Variants in BTG3 observed in about 807,000 individuals in gnomAD.
BTG3 encodes the protein BTG anti-proliferation factor 3.
Under a neutral mutation model 25.8 loss-of-function variants are expected in BTG3, and 4 were observed. That is an observed-to-expected ratio of 0.16 (90% CI 0.08 to 0.36). The LOEUF (loss-of-function observed/expected upper bound fraction) is 0.36. BTG3 is among the 10% of genes least tolerant of loss of function. BTG3 has a pLI of 1.00. For missense variants in BTG3, 201 were observed against 304.9 expected, an observed-to-expected ratio of 0.66 and a Z score of 2.54; for synonymous variants, 107 against 99.9, an observed-to-expected ratio of 1.07 and a Z score of -0.42.
chr21:17,594,366 AG>A, intron 4 of BTG3, 34 bp from the exon 5 acceptor site: 1 of 1,585,870 alleles, frequency 6.3e-7, no homozygotes, highest in Non-Finnish European at 8.6e-7. Flanking sequence ...GTTAATTCAA[AG>A]GAAAAAATCA....
chr21:17,606,242 AGTTTGAGT>A (rs1429273469), intron 2 of BTG3, among the ~76,000 whole-genome samples: 1 of 152,108 alleles, frequency 6.6e-6, no homozygotes, highest in Non-Finnish European at 1.5e-5. Flanking sequence ...AGGCAGAGAG[AGTTTGAGT>A]AACTTCCCAA....
At chr21:17,594,605 G>C (rs2061480224) in intron 4 of BTG3, among the ~76,000 whole-genome samples, 1 of 152,010 alleles carries the variant, frequency 6.6e-6, no homozygotes, top group African/African-American at 2.4e-5. Context: ...CCAAAACATG[G>C]AACGAATGGA....
Position 17,598,338 on chromosome 21 carries a change from A to G in BTG3, c.519+279T>C, listed in dbSNP as rs559652740. 3.8e-3 allele frequency among the ~76,000 whole-genome samples: 579 copies of G among 152,356 alleles called. 5 individuals carry two copies. Among genetic ancestry groups the G allele is most frequent in the Non-Finnish European group, 6.7e-3 (455 of 68,036 alleles). ...GGTAACTTTTGAATGAGATTTTAAA[A>G]TATCAGGAATGTTTTACCATCATGA... On this transcript the variant is annotated intron_variant, in intron 4 of 4. Transcript: ENST00000348354.
intron 2 of BTG3, among the ~76,000 whole-genome samples, chr21:17,608,329 T>C (rs143958453): frequency 2.0e-5 from 3 of 151,302 alleles, no homozygotes; most frequent in Non-Finnish European, 2.9e-5. Context: ...GCTATGGTTA[T>C]ACCACTGCAC....
Position 17,594,191 on chromosome 21 carries a change from T to C in BTG3, c.661A>G (p.Lys221Glu). The C allele has an allele frequency of 6.2e-7, 1 of 1,613,344 alleles. No homozygotes were observed. The highest frequency in any genetic ancestry group is 8.5e-7 in the Non-Finnish European group (1 of 1,179,452). The change falls in exon 5 of 5, where the codon AAA becomes GAA. Residue 221 changes from lysine (K) to glutamate (E), a missense_variant. Physicochemically the swap from Lys to Glu is moderately conservative, Grantham distance 56. Around this residue, in one of 2 missense-constraint regions of BTG3, gnomAD observed 131 missense variants for 129.3 expected, o/e 1.01. Transcript: ENST00000348354. Reference sequence around the variant, plus strand: ...GTCACTGGAATTGGGCGATATGGTTTATTTTTTCTTCCCTGATTTGGATAA... The same window carrying C: ...GTCACTGGAATTGGGCGATATGGTTCATTTTTTCTTCCCTGATTTGGATAA... The part of the protein sequence containing the change: ...FGYPNQGRKN[K>E]PYRPIPVTWV...
At chr21:17,600,911 C>T (rs1308649130) in intron 3 of BTG3, among the ~76,000 whole-genome samples, 2 of 152,124 alleles carry the variant, frequency 1.3e-5, no homozygotes, top group African/African-American at 2.4e-5. Context: ...TGCCTGTAAT[C>T]CCAGCACTTT....
intron 3 of BTG3, among the ~76,000 whole-genome samples, chr21:17,600,047 A>C (rs1161465843): frequency 6.6e-6 from 1 of 152,166 alleles, no homozygotes; most frequent in Non-Finnish European, 1.5e-5. Context: ...TTTTAAGGTA[A>C]GATGAAAAAA....
intron 1 of BTG3, among the ~76,000 whole-genome samples, chr21:17,610,020 C>G (rs2123482576): frequency 6.6e-6 from 1 of 152,290 alleles, no homozygotes; most frequent in South Asian, 2.1e-4. Flanking sequence ...CTAATATAAG[C>G]TACAACATGG....
chr21:17,597,938 C>A (rs2061524833), intron 4 of BTG3, among the ~76,000 whole-genome samples: 1 of 152,030 alleles, frequency 6.6e-6, no homozygotes, highest in Admixed American at 6.5e-5. Context: ...AAATAGATAA[C>A]CTTTAAAAAT....
chr21:17,609,045 A>G lies in BTG3; in HGVS notation c.100T>C (p.Leu34=). ...KEAVERFAEK[L]TLILQEKYKN... is the part of the protein sequence containing the mutation. ...TATTTTTCTTGAAGTATTAGGGTCAATTTCTCAGCAAACCTCTCAACTGCC... is the reference window on the plus strand; with the variant it reads ...TATTTTTCTTGAAGTATTAGGGTCAGTTTCTCAGCAAACCTCTCAACTGCC... Residue 34 remains leucine, a synonymous_variant, in exon 2 of 5, where the codon TTG becomes CTG. Transcript: ENST00000348354. 3 of 1,614,022 alleles carry G rather than the reference A, an allele frequency of 1.9e-6. No individual in the cohort carries two copies. The highest frequency in any genetic ancestry group is 2.5e-6 in the Non-Finnish European group (3 of 1,179,970).
chr21:17,597,281 TCTTG>T (rs1170460563), intron 4 of BTG3, among the ~76,000 whole-genome samples: 17 of 152,160 alleles, frequency 1.1e-4, no homozygotes, highest in South Asian at 6.2e-4. Flanking sequence ...AGACTTACAT[TCTTG>T]CTTAACAACA....
At chr21:17,603,775 C>T (rs1234672813) in intron 3 of BTG3, among the ~76,000 whole-genome samples, 2 of 152,202 alleles carry the variant, frequency 1.3e-5, no homozygotes, top group African/African-American at 2.4e-5. Flanking sequence ...CATGGCTCAT[C>T]CTTCACCTCC....
chr21:17,609,427 C>T (rs887249671), intron 1 of BTG3, among the ~76,000 whole-genome samples: 11 of 152,136 alleles, frequency 7.2e-5, no homozygotes, highest in African/African-American at 2.4e-4. Flanking sequence ...TAAAACCACA[C>T]CTATCAGTAA....
chr21:17,610,662 T>C (rs560705727), intron 1 of BTG3, among the ~76,000 whole-genome samples: 19 of 152,356 alleles, frequency 1.2e-4, no homozygotes, highest in African/African-American at 4.6e-4. Flanking sequence ...ATCTGGCTGC[T>C]GTAACCTGGA....
At chr21:17,602,559 T>C (rs964578281) in intron 3 of BTG3, among the ~76,000 whole-genome samples, 6 of 152,228 alleles carry the variant, frequency 3.9e-5, no homozygotes, top group African/African-American at 1.4e-4. Flanking sequence ...AAACGATTAA[T>C]ACGTCTTTCT....
At chr21:17,607,641 C>G (rs929038198) in intron 2 of BTG3, among the ~76,000 whole-genome samples, 4 of 152,190 alleles carry the variant, frequency 2.6e-5, no homozygotes, top group African/African-American at 4.8e-5. Flanking sequence ...GCTGTACTTG[C>G]AAGAGCCCAG....
At chr21:17,598,902 C>G (rs2061537160) in intron 3 of BTG3, 78 bp from the exon 4 acceptor site, 4 of 1,102,308 alleles carry the variant, frequency 3.6e-6, no homozygotes, top group Non-Finnish European at 3.9e-6. Context: ...ACAAAGAGAT[C>G]TGGACATGCC....
intron 4 of BTG3, among the ~76,000 whole-genome samples, chr21:17,595,117 C>T (rs1223014949): frequency 2.6e-5 from 4 of 151,910 alleles, no homozygotes; most frequent in African/African-American, 9.7e-5. Context: ...CCAGGTGATT[C>T]TGATGTAGCC....
intron 4 of BTG3, 42 bp from the exon 5 acceptor site, chr21:17,594,374 A>C: frequency 6.3e-7 from 1 of 1,575,338 alleles, no homozygotes; most frequent in Non-Finnish European, 8.6e-7. Context: ...AAAGGAAAAA[A>C]TCATCATCTA....
Sources: gnomAD v4.1 joint callset for allele counts (sites outside exome capture counted in the v4.1 genomes callset) on GRCh38, gnomAD v4.1.1 for gene constraint, gnomAD v4.1.1 regional missense constraint, MANE v1.5 for transcripts, NCBI Gene and HGNC (gene_info 2026-07-23, HGNC 2026-07-21) for gene names.